CPO: variants seen among roughly 807,000 people sequenced by gnomAD.
CPO encodes the protein metallocarboxypeptidase C.
Under a neutral mutation model 41.2 loss-of-function variants are expected in CPO, and 43 were observed. The ratio of observed to expected loss-of-function variants is 1.04; its 90% CI spans 0.82 to 1.35. The LOEUF (loss-of-function observed/expected upper bound fraction) is 1.35, where lower values mean the gene tolerates loss of function less well. CPO is among the 40% of genes most tolerant of loss of function. The pLI, the probability that CPO is intolerant of heterozygous loss-of-function variation, is 0.00. For missense variants in CPO, 408 were observed against 451.7 expected (o/e 0.90, Z 0.88); for synonymous variants, 178 against 162.7 (o/e 1.09, Z -0.72).
intron 3 of CPO, among the ~76,000 whole-genome samples, chr2:206,955,958 A>C (rs1014275893): frequency 2.0e-5 from 3 of 152,182 alleles, no homozygotes; most frequent in Non-Finnish European, 4.4e-5. Context: ...ATGTTTAAAA[A>C]CCACAGATAA....
intron 1 of CPO, among the ~76,000 whole-genome samples, chr2:206,946,568 C>T (rs1693149136): frequency 1.3e-5 from 2 of 152,118 alleles, no homozygotes; most frequent in African/African-American, 2.4e-5. Context: ...GATGTTCCCT[C>T]TCAGCACTCT....
intron 1 of CPO, among the ~76,000 whole-genome samples, chr2:206,943,033 G>C (rs1247717825): frequency 6.6e-6 from 1 of 152,132 alleles, no homozygotes; most frequent in Non-Finnish European, 1.5e-5. Context: ...CCAAGAGTAA[G>C]GCAAATGCCT....
At chr2:206,955,296 A>G (rs1288061739) in intron 2 of CPO, among the ~76,000 whole-genome samples, 167 bp from the exon 3 acceptor site, 1 of 152,258 alleles carries the variant, frequency 6.6e-6, no homozygotes, top group East Asian at 1.9e-4. Context: ...ATTGTTAAAG[A>G]AAGGGAAAGA....
At chr2:206,963,332 A>AT (rs374121256) in intron 7 of CPO, among the ~76,000 whole-genome samples, 102 of 151,990 alleles carry the variant, frequency 6.7e-4, no homozygotes, top group Non-Finnish European at 1.3e-3. Flanking sequence ...TTTTATTTTT[A>AT]TTTTTTTTCC....
chr2:206,963,493 A>G (rs969788388), intron 7 of CPO, among the ~76,000 whole-genome samples: 3 of 152,050 alleles, frequency 2.0e-5, no homozygotes, highest in African/African-American at 4.8e-5. Context: ...CTATTAAACA[A>G]CTTTCCATTT....
At chr2:206,952,663 C>T (rs112095020) in intron 2 of CPO, among the ~76,000 whole-genome samples, 5 of 152,268 alleles carry the variant, frequency 3.3e-5, no homozygotes, top group African/African-American at 1.2e-4. Flanking sequence ...TGAATCAAAA[C>T]ACCTAGCCTA....
At chr2:206,944,097 T>G (rs1287502387) in intron 1 of CPO, among the ~76,000 whole-genome samples, 3 of 152,092 alleles carry the variant, frequency 2.0e-5, no homozygotes, top group Non-Finnish European at 4.4e-5. Context: ...CTATTACTAC[T>G]TTTGCATAGA....
chr2:206,962,468 T>C lies in CPO; in HGVS notation c.631T>C (p.Ser211Pro). ...AACATTCTGTGGGACAGGGCCAGTG[T>C]CTGAACCAGAGACTAAAGCTGTTGC... ...DQTFCGTGPV[S>P]EPETKAVASF... is the part of the protein sequence containing the mutation. Residue 211 changes from serine (S) to proline (P), a missense_variant, in exon 7 of 9, where the codon TCT becomes CCT. Ser to Pro is a moderately conservative substitution (Grantham distance 74). Transcript: ENST00000272852. 6.2e-7 allele frequency: 1 copy of C among 1,614,150 alleles called. No homozygotes were observed. The highest frequency in any genetic ancestry group is 8.5e-7 in the Non-Finnish European group (1 of 1,180,004).
chr2:206,951,100 C>CA, intron 2 of CPO, among the ~76,000 whole-genome samples: 1 of 132,850 alleles, frequency 7.5e-6, no homozygotes, highest in African/African-American at 2.8e-5. Flanking sequence ...AGGGGTGGAA[C>CA]CAAAAAAAAT....
chr2:206,955,720 A>G lies in CPO; in HGVS notation c.267+156A>G, dbSNP rs1042409212. On this transcript the variant is annotated intron_variant, in intron 3 of 8. Coordinates refer to ENST00000272852, the MANE Select transcript of CPO (RefSeq NM_173077.3). ...ATGGGGCTCTTAAAGTTCAAAACTC[A>G]TAGATGCTCTTGCCTTAATTATCTG... is the stretch of plus-strand genomic sequence containing the variant. 1.2e-4 allele frequency among the ~76,000 whole-genome samples: 19 copies of G among 152,328 alleles called. No individual in the cohort carries two copies. In the East Asian group the frequency reaches 2.3e-3, roughly 19 times the overall value.
chr2:206,949,615 A>G lies in CPO; in HGVS notation c.69-2A>G. On this transcript the variant is annotated splice_acceptor_variant, in intron 1 of 8. Transcript: ENST00000272852. LOFTEE classifies it high-confidence loss of function. The stretch of plus-strand genomic sequence containing the variant: ...TTTCCTCTTACTTTCTTCCCTTTGC[A>G]GATCCTTAGCCCAACACAGACAAGA... The G allele has an allele frequency of 6.2e-7, 1 of 1,610,908 alleles. No homozygotes were observed. The highest frequency in any genetic ancestry group is 8.5e-7 in the Non-Finnish European group (1 of 1,177,398).
At chr2:206,955,836 A>G (rs1693348210) in intron 3 of CPO, among the ~76,000 whole-genome samples, 1 of 152,208 alleles carries the variant, frequency 6.6e-6, no homozygotes, top group Non-Finnish European at 1.5e-5. Flanking sequence ...CCAGAAGTGG[A>G]CAATGCCCAC....
At chr2:206,968,934 C>A (rs912420115) in intron 8 of CPO, among the ~76,000 whole-genome samples, 4 of 152,194 alleles carry the variant, frequency 2.6e-5, no homozygotes, top group African/African-American at 9.6e-5. Context: ...TTTAGCCAAA[C>A]CTTTCTATGT....
At chr2:206,943,779 T>TA (rs1170570725) in intron 1 of CPO, among the ~76,000 whole-genome samples, 2 of 112,482 alleles carry the variant, frequency 1.8e-5, no homozygotes, top group East Asian at 2.7e-4. Flanking sequence ...GATAGATAGA[T>TA]GATAAGCAGA....
intron 6 of CPO, among the ~76,000 whole-genome samples, chr2:206,961,697 T>C (rs1425077328): frequency 6.6e-6 from 1 of 152,054 alleles, no homozygotes; most frequent in Non-Finnish European, 1.5e-5. Context: ...TAGTAAGACA[T>C]GAAGGAAAAA....
At chr2:206,943,728 T>TGATAGATAGATAGATA (rs68125401) in intron 1 of CPO, among the ~76,000 whole-genome samples, 3 of 123,696 alleles carry the variant, frequency 2.4e-5, no homozygotes, top group Non-Finnish European at 1.9e-5. Flanking sequence ...GATGGATAGA[T>TGATAGATAGATAGATA]GATAGATAGA....
At chr2:206,940,872 A>G (rs796857999) in intron 1 of CPO, among the ~76,000 whole-genome samples, 3 of 152,194 alleles carry the variant, frequency 2.0e-5, no homozygotes, top group African/African-American at 7.2e-5. Flanking sequence ...CTTCAGTTCA[A>G]TTTCAGATAC....
At chr2:206,965,309 G>A (rs574311906) in intron 7 of CPO, among the ~76,000 whole-genome samples, 69 of 152,168 alleles carry the variant, frequency 4.5e-4, no homozygotes, top group Non-Finnish European at 8.2e-4. Flanking sequence ...GTTCTTGGGG[G>A]CAAGCTTTGA....
intron 2 of CPO, among the ~76,000 whole-genome samples, chr2:206,951,678 C>T (rs1000230162): frequency 2.0e-5 from 3 of 152,230 alleles, no homozygotes; most frequent in African/African-American, 4.8e-5. Context: ...GATGAGTTCA[C>T]ACATGGCTTG....
Sources: gnomAD v4.1 joint callset for allele counts (sites outside exome capture counted in the v4.1 genomes callset) on GRCh38, gnomAD v4.1.1 for gene constraint, MANE v1.5 for transcripts, NCBI Gene and HGNC (gene_info 2026-07-23, HGNC 2026-07-21) for gene names.